Variants in SCAF8 observed in about 807,000 individuals in gnomAD.
SCAF8 encodes SR-related and CTD-associated factor 8.
In SCAF8, 23 loss-of-function variants were observed where a neutral mutation model predicts 140.5. The observed-to-expected ratio is 0.16, with a 90% CI of 0.12 to 0.23. SCAF8 has a LOEUF of 0.23. SCAF8 is among the 10% of genes least tolerant of loss of function. SCAF8 has a pLI of 1.00. For synonymous variants in SCAF8, 575 were observed against 528.9 expected, an observed-to-expected ratio of 1.09 and a Z score of -1.20; for missense variants, 1,397 against 1,555.7, an observed-to-expected ratio of 0.90 and a Z score of 1.72.
chr6:154,736,116 C>T (rs899733224), intron 1 of SCAF8, among the ~76,000 whole-genome samples: 6 of 152,006 alleles, frequency 3.9e-5, no homozygotes, highest in African/African-American at 1.2e-4. Flanking sequence ...TGAGCCACCA[C>T]GCCTGGGGGA....
At chr6:154,818,821 C>T (rs777309489) in intron 14 of SCAF8, among the ~76,000 whole-genome samples, 3 of 152,144 alleles carry the variant, frequency 2.0e-5, no homozygotes, top group Non-Finnish European at 2.9e-5. Flanking sequence ...AGTCCAATAA[C>T]GAGAACTTTA....
intron 3 of SCAF8, among the ~76,000 whole-genome samples, chr6:154,784,809 T>C (rs1777203865): frequency 6.6e-6 from 1 of 152,228 alleles, no homozygotes; most frequent in South Asian, 2.1e-4. Flanking sequence ...GACAACTGTA[T>C]TTCTTTTTAT....
chr6:154,750,777 G>T (rs1202344448), intron 1 of SCAF8, among the ~76,000 whole-genome samples: 1 of 152,144 alleles, frequency 6.6e-6, no homozygotes, highest in African/African-American at 2.4e-5. Flanking sequence ...TGCATTTAAA[G>T]ACTCCATCAT....
intron 3 of SCAF8, among the ~76,000 whole-genome samples, chr6:154,784,120 GATATATATATATATATATATATATAT>G (rs72135986): frequency 6.6e-5 from 7 of 106,832 alleles, no homozygotes; most frequent in African/African-American, 1.3e-4. Context: ...GGTGTCTTGA[GATATATATATATATATATATATATAT>G]ATATATATAT....
At chr6:154,758,293 G>GT (rs2114819479) in intron 1 of SCAF8, among the ~76,000 whole-genome samples, 1 of 152,194 alleles carries the variant, frequency 6.6e-6, no homozygotes, top group African/African-American at 2.4e-5. Flanking sequence ...GTTGATTTTT[G>GT]TTTATCAGGC....
Position 154,815,679 on chromosome 6 carries a change from A to G in SCAF8, c.1421-37A>G, listed in dbSNP as rs150793906. 6 of 1,197,852 alleles carry G rather than the reference A, an allele frequency of 5.0e-6. No individual in the cohort carries two copies. In the African/African-American group the frequency reaches 6.0e-5, roughly 12 times the overall value. 74.2% of individuals were successfully genotyped at this position (1,197,852 alleles called of 1,614,324 possible). A position where few individuals can be genotyped will look rare whatever the true frequency, so the allele number is the denominator to read the frequency against. The stretch of plus-strand genomic sequence containing the variant: ...ACTTTTCAAAGAAGTAACTATGTCT[A>G]AATGATTTAGGTCATTTGTCTCTTG... On this transcript the variant is annotated intron_variant, in intron 12 of 19. Transcript: ENST00000367178.
intron 1 of SCAF8, among the ~76,000 whole-genome samples, chr6:154,736,597 TC>T (rs1160150160): frequency 6.6e-6 from 1 of 152,114 alleles, no homozygotes; most frequent in African/African-American, 2.4e-5. Context: ...AAACAGTAGC[TC>T]CCAAATATTA....
chr6:154,733,688 G>T lies in SCAF8; in HGVS notation c.-213G>T, dbSNP rs1778324428. 3 of 1,022,304 alleles carry T rather than the reference G, an allele frequency of 2.9e-6. No homozygotes were observed. Among genetic ancestry groups the T allele is most frequent in the Non-Finnish European group, 3.5e-6 (3 of 855,906 alleles). 63.3% of individuals were successfully genotyped at this position (1,022,304 alleles called of 1,614,324 possible). On this transcript the variant is annotated 5_prime_UTR_variant, in exon 1 of 20. Transcript: ENST00000367178. ...TGTTCCCTAGAACGGCGCTCCCCCC[G>T]CCCTAGCGGCCATGCCGGTGCCGCT...
At chr6:154,774,109 A>G (rs1245137118) in intron 2 of SCAF8, 37 bp downstream of exon 2, 14 of 1,306,446 alleles carry the variant, frequency 1.1e-5, no homozygotes, top group African/African-American at 1.5e-5. Context: ...TTTCAAAAGA[A>G]AAAACTATAT....
chr6:154,764,186 A>C (rs377709252), intron 1 of SCAF8, among the ~76,000 whole-genome samples: 1 of 152,360 alleles, frequency 6.6e-6, no homozygotes, highest in African/African-American at 2.4e-5. Flanking sequence ...AGTTTAAGGA[A>C]CGTTCTTTAA....
chr6:154,788,080 T>G, intron 4 of SCAF8, 58 bp downstream of exon 4: 2 of 1,373,324 alleles, frequency 1.5e-6, no homozygotes, highest in Non-Finnish European at 2.0e-6. Flanking sequence ...AGCCTCTTGG[T>G]CTTAATTAGT....
chr6:154,754,668 T>C (rs780510672), intron 1 of SCAF8, among the ~76,000 whole-genome samples: 11 of 152,210 alleles, frequency 7.2e-5, no homozygotes, highest in Non-Finnish European at 1.6e-4. Context: ...TGCAGCTCCC[T>C]GTCTCTTTCA....
chr6:154,739,289 G>T (rs1214002781), intron 1 of SCAF8, among the ~76,000 whole-genome samples: 6 of 152,066 alleles, frequency 3.9e-5, no homozygotes, highest in Non-Finnish European at 8.8e-5. Context: ...ACTGCCCCTG[G>T]CCAGATTCTT....
intron 11 of SCAF8, among the ~76,000 whole-genome samples, chr6:154,809,336 G>A (rs1220616087): frequency 6.6e-6 from 1 of 152,042 alleles, no homozygotes; most frequent in Non-Finnish European, 1.5e-5. Flanking sequence ...GGTGTAAGAG[G>A]GGCAGTACGT....
intron 1 of SCAF8, among the ~76,000 whole-genome samples, chr6:154,744,666 T>C (rs192823585): frequency 1.9e-3 from 289 of 152,314 alleles, no homozygotes; most frequent in African/African-American, 5.4e-3. Flanking sequence ...AGGGGAACCA[T>C]CATTCAATTT....
intron 1 of SCAF8, among the ~76,000 whole-genome samples, chr6:154,748,331 C>G (rs1023008722): frequency 2.6e-5 from 4 of 152,130 alleles, no homozygotes; most frequent in East Asian, 1.9e-4. Flanking sequence ...TAATTACTAT[C>G]CAAAGTTGGG....
chr6:154,796,805 C>A (rs1777621654), intron 6 of SCAF8, among the ~76,000 whole-genome samples: 1 of 152,078 alleles, frequency 6.6e-6, no homozygotes, highest in South Asian at 2.1e-4. Flanking sequence ...AAACCTGTCT[C>A]TACTAAAAAC....
chr6:154,789,896 C>T (rs1214141185), intron 4 of SCAF8, among the ~76,000 whole-genome samples: 3 of 152,126 alleles, frequency 2.0e-5, no homozygotes, highest in Non-Finnish European at 4.4e-5. Context: ...AAATAGGTAC[C>T]TTAGACTACC....
In SCAF8 at chr6:154,810,194, C is replaced by G. The variant is rs1197681544; in HGVS notation, c.1406C>G (p.Ser469Cys). 6.2e-7 allele frequency: 1 copy of G among 1,603,096 alleles called. No homozygotes were observed. Among genetic ancestry groups the G allele is most frequent in the African/African-American group, 1.3e-5 (1 of 74,090 alleles). Residue 469 changes from serine to cysteine, a missense_variant, in exon 12 of 20, where the codon TCT becomes TGT. By Grantham distance (112) the Ser-to-Cys change is moderately radical. Around this residue, in one of 5 missense-constraint regions of SCAF8, gnomAD observed 339 missense variants for 407.5 expected, o/e 0.83. Transcript: ENST00000367178. ...RQKKGLPPIR[S>C]KTLSVCSTTL... ...AAAAAGGGATTACCTCCAATTAGATCTAAAACACTAAGTGGTAAGTAACAT... is the reference window on the plus strand; with the variant it reads ...AAAAAGGGATTACCTCCAATTAGATGTAAAACACTAAGTGGTAAGTAACAT...
Sources: allele counts gnomAD v4.1 joint callset (sites outside exome capture counted in the v4.1 genomes callset), GRCh38; gene constraint gnomAD v4.1.1; regional missense constraint gnomAD v4.1.1; transcripts MANE v1.5; gene names NCBI Gene and HGNC (gene_info 2026-07-23, HGNC 2026-07-21).